The following ACOXL variants were observed in gnomAD, a reference collection of about 807,000 sequenced individuals.
ACOXL encodes acyl-CoA oxidase like, also known as acyl-coenzyme A oxidase-like protein.
In ACOXL, 70 loss-of-function variants were observed where a neutral mutation model predicts 71.9. The observed-to-expected ratio is 0.97, with a 90% CI of 0.80 to 1.19. ACOXL has a LOEUF of 1.19. Ranked by LOEUF, ACOXL falls within the 50% of genes most tolerant of loss-of-function variation. The probability of loss-of-function intolerance (pLI) is 0.00; values close to 1 mark genes in which losing one functional copy is unlikely to be tolerated. For missense variants in ACOXL, 703 were observed against 736.3 expected (o/e 0.95, Z 0.52); for synonymous variants, 253 against 281.6 (o/e 0.90, Z 1.02).
At chr2:110,830,238 T>G (rs1689654793) in intron 9 of ACOXL, among the ~76,000 whole-genome samples, 1 of 152,202 alleles carries the variant, frequency 6.6e-6, no homozygotes, top group South Asian at 2.1e-4. Flanking sequence ...TTTTTCCACC[T>G]TATCTTCTCC....
At chr2:110,968,112 A>C in intron 12 of ACOXL, 2 of 1,335,422 alleles carry the variant, frequency 1.5e-6, no homozygotes, top group Admixed American at 3.4e-5. Context: ...TTGGCCTGAC[A>C]AATTATGCTG....
intron 17 of ACOXL, among the ~76,000 whole-genome samples, chr2:111,112,781 C>G (rs1231597890): frequency 6.6e-6 from 1 of 152,210 alleles, no homozygotes; most frequent in Non-Finnish European, 1.5e-5. Context: ...GCCTGTTGAC[C>G]AGTGTGGAAG....
intron 11 of ACOXL, among the ~76,000 whole-genome samples, chr2:110,921,153 C>T (rs1361706187): frequency 2.0e-5 from 3 of 152,096 alleles, no homozygotes; most frequent in Non-Finnish European, 4.4e-5. Context: ...GATTTCTCCC[C>T]TGAAATCCTG....
At chr2:110,979,101 A>AAC (rs150160115) in intron 12 of ACOXL, among the ~76,000 whole-genome samples, 21,125 of 152,002 alleles carry the variant, frequency 0.14, 1,789 homozygotes, top group East Asian at 0.34. Context: ...TGGGAACAAC[A>AAC]GCCGGCCCTG....
intron 10 of ACOXL, among the ~76,000 whole-genome samples, chr2:110,893,353 T>A (rs2058869168): frequency 7.0e-6 from 1 of 143,080 alleles, no homozygotes; most frequent in African/African-American, 2.5e-5. Flanking sequence ...TTAATATGCA[T>A]ATAAGATAGA....
intron 11 of ACOXL, among the ~76,000 whole-genome samples, chr2:110,925,136 C>T (rs986331900): frequency 6.6e-6 from 1 of 152,342 alleles, no homozygotes; most frequent in East Asian, 1.9e-4. Context: ...AACAGATGTG[C>T]TATCAACCAG....
At chr2:110,788,381 A>G (rs894399847) in intron 3 of ACOXL, among the ~76,000 whole-genome samples, 2 of 152,256 alleles carry the variant, frequency 1.3e-5, no homozygotes, top group Non-Finnish European at 2.9e-5. Context: ...TAAGCCAGAC[A>G]TAAGAGGACA....
chr2:111,090,984 A>C (rs968034905), intron 16 of ACOXL, among the ~76,000 whole-genome samples: 36 of 152,174 alleles, frequency 2.4e-4, no homozygotes, highest in African/African-American at 8.2e-4. Context: ...GGTCCTTCAC[A>C]TCCCTTGTTA....
chr2:110,793,117 G>A (rs1573538992), intron 3 of ACOXL, among the ~76,000 whole-genome samples: 1 of 152,322 alleles, frequency 6.6e-6, no homozygotes, highest in East Asian at 1.9e-4. Context: ...AGGCTACAAT[G>A]TCATTTGTCC....
At chr2:110,952,692 C>T (rs1440961099) in intron 12 of ACOXL, among the ~76,000 whole-genome samples, 2 of 152,174 alleles carry the variant, frequency 1.3e-5, no homozygotes, top group Non-Finnish European at 2.9e-5. Flanking sequence ...AAATGATCCT[C>T]CTGCTTCAGC....
intron 2 of ACOXL, among the ~76,000 whole-genome samples, chr2:110,774,947 G>C (rs777485933): frequency 2.6e-5 from 4 of 152,218 alleles, no homozygotes; most frequent in Non-Finnish European, 4.4e-5. Flanking sequence ...AATCAAAACT[G>C]TGGAACTGGC....
intron 13 of ACOXL, among the ~76,000 whole-genome samples, chr2:110,993,989 A>G (rs2063288299): frequency 6.6e-6 from 1 of 152,226 alleles, no homozygotes; most frequent in Non-Finnish European, 1.5e-5. Context: ...TTCTATTTTT[A>G]AAGAAAGTCT....
intron 14 of ACOXL, among the ~76,000 whole-genome samples, chr2:111,011,885 A>T (rs2064183242): frequency 1.1e-4 from 1 of 9,116 alleles, no homozygotes; most frequent in African/African-American, 5.2e-4. Context: ...CTCTGTTAAA[A>T]AAAAAAAAAA....
chr2:110,925,954 C>G (rs1574148102), intron 11 of ACOXL, among the ~76,000 whole-genome samples: 2 of 147,914 alleles, frequency 1.4e-5, no homozygotes, highest in Non-Finnish European at 3.0e-5. Context: ...TGTAGGGTTA[C>G]TGGCCTAATT....
chr2:110,980,827 G>A (rs1205329735), intron 12 of ACOXL, among the ~76,000 whole-genome samples: 1 of 152,226 alleles, frequency 6.6e-6, no homozygotes, highest in East Asian at 1.9e-4. Context: ...GGCCCTGAAA[G>A]CCTTTGTTGC....
intron 16 of ACOXL, among the ~76,000 whole-genome samples, chr2:111,063,025 C>T (rs2066894651): frequency 6.6e-6 from 1 of 152,058 alleles, no homozygotes; most frequent in African/African-American, 2.4e-5. Flanking sequence ...ATTCTATGCC[C>T]ATAAATTTGA....
At chr2:111,075,219 A>G (rs1278691951) in intron 16 of ACOXL, among the ~76,000 whole-genome samples, 1 of 135,544 alleles carries the variant, frequency 7.4e-6, no homozygotes, top group Non-Finnish European at 1.6e-5. Context: ...ATTAAGGCCT[A>G]GAGATTTCTT....
chr2:110,778,399 T>C (rs1682921294), intron 2 of ACOXL, among the ~76,000 whole-genome samples: 1 of 152,252 alleles, frequency 6.6e-6, no homozygotes. Flanking sequence ...AAATAATGCA[T>C]ATCCCAATCT....
In ACOXL at chr2:111,019,897, ATC is replaced by A. The variant is rs2064665020; in HGVS notation, c.1282-11729_1282-11728del. On this transcript the variant is annotated intron_variant, in intron 14 of 17. Transcript: ENST00000439055. ...TTTTTTTGAAACGGAGTCTCCCGCTATCACCCAGGCTGGAGTGCAGTGGCACA... is the reference window on the plus strand; with the variant it reads ...TTTTTTTGAAACGGAGTCTCCCGCTAACCCAGGCTGGAGTGCAGTGGCACA... 3.9e-5 allele frequency among the ~76,000 whole-genome samples: 6 copies of A among 151,942 alleles called. No individual in the cohort carries two copies. The South Asian group carries it at 1.2e-3, about 32-fold the overall frequency.
Sources: allele counts gnomAD v4.1 joint callset (sites outside exome capture counted in the v4.1 genomes callset), GRCh38; gene constraint gnomAD v4.1.1; transcripts MANE v1.5; gene names NCBI Gene and HGNC (gene_info 2026-07-23, HGNC 2026-07-21).